The following STARD13 variants were observed in gnomAD, a reference collection of about 807,000 sequenced individuals.
STARD13 encodes StAR related lipid transfer domain containing 13, also known as stAR-related lipid transfer protein 13.
STARD13 carries 62 observed loss-of-function variants against 106.4 expected under a neutral mutation model. The ratio of observed to expected loss-of-function variants is 0.58; its 90% CI spans 0.48 to 0.72. STARD13 has a LOEUF of 0.72. STARD13 is among the 30% of genes least tolerant of loss of function. The pLI is 0.00. For synonymous variants in STARD13, 565 were observed against 553.0 expected (o/e 1.02, Z -0.31); for missense variants, 1,387 against 1,424.0 (o/e 0.97, Z 0.42).
chr13:33,571,540 ACTTCTGAGT>A, the STARD13 span, among the ~76,000 whole-genome samples: 4 of 151,368 alleles, frequency 2.6e-5, no homozygotes, highest in African/African-American at 7.3e-5. Flanking sequence ...CTTGGTCTGT[ACTTCTGAGT>A]CTTCTGAGCC....
intron 1 of STARD13, 32 bp downstream of exon 1, chr13:33,285,438 T>A: frequency 6.3e-7 from 1 of 1,593,326 alleles, no homozygotes; most frequent in Non-Finnish European, 8.6e-7. Flanking sequence ...GAAATCAGAA[T>A]GAGCAACAGC....
At chr13:33,244,805 G>T (rs1889739667) in intron 1 of STARD13, among the ~76,000 whole-genome samples, 1 of 152,198 alleles carries the variant, frequency 6.6e-6, no homozygotes, top group East Asian at 1.9e-4. Context: ...GCACAAGAAA[G>T]GAGAAACCAG....
the STARD13 span, among the ~76,000 whole-genome samples, chr13:33,403,944 C>T: frequency 4.6e-5 from 7 of 152,190 alleles, no homozygotes; most frequent in Admixed American, 4.6e-4. Context: ...TTTTTCTCCT[C>T]TAGATTCTTC....
the STARD13 span, among the ~76,000 whole-genome samples, chr13:33,404,105 G>A: frequency 2.6e-5 from 4 of 152,166 alleles, no homozygotes; most frequent in African/African-American, 4.8e-5. Context: ...TTGGTTTTGC[G>A]TAGCTGAAAT....
chr13:33,350,506 G>C, exon 1 of STARD13: 1 of 1,457,518 alleles, frequency 6.9e-7, no homozygotes, highest in Non-Finnish European at 9.1e-7. Flanking sequence ...AAGGACGGAC[G>C]CGGCACTCCC....
At chr13:33,366,768 G>C in the STARD13 span, among the ~76,000 whole-genome samples, 1 of 152,124 alleles carries the variant, frequency 6.6e-6, no homozygotes, top group Non-Finnish European at 1.5e-5. This position sits in a 1 kb window ranked among gnomAD's most constrained non-coding sequence, Gnocchi z 4.2. Flanking sequence ...CATATTATTG[G>C]ACCTCTGGAT....
chr13:33,674,914 A>G, the STARD13 span, among the ~76,000 whole-genome samples: 2 of 152,218 alleles, frequency 1.3e-5, no homozygotes, highest in Non-Finnish European at 2.9e-5. Context: ...CATACATAGT[A>G]TTTGGATGCA....
Position 33,131,435 on chromosome 13 carries a change from A to AT in STARD13, c.388-1147dup, listed in dbSNP as rs34709429. On this transcript the variant is annotated intron_variant, in intron 4 of 13. Transcript: ENST00000336934. The stretch of plus-strand genomic sequence containing the variant: ...AGTGTAGTCCAAATCGAATCATATG[A>AT]TTTTTTTTTTTCAGCTTAGAAGCCT... Among the ~76,000 whole-genome samples, 1,024 of 143,384 alleles carry AT rather than the reference A, an allele frequency of 7.1e-3. 21 individuals carry two copies. Among genetic ancestry groups the AT allele is most frequent in the African/African-American group, 0.025 (970 of 39,024 alleles). 94.1% of individuals were successfully genotyped at this position (143,384 alleles called of 152,430 possible). A position where few individuals can be genotyped will look rare whatever the true frequency, so the allele number is the denominator to read the frequency against.
Position 33,165,485 on chromosome 13 carries a change from C to A in STARD13, c.242-67G>T, listed in dbSNP as rs1471213863. The A allele has an allele frequency of 9.8e-6, 12 of 1,226,718 alleles. No homozygotes were observed. In the Admixed American group the frequency reaches 2.1e-4, roughly 22 times the overall value. The allele number at this position is 1,226,718 out of a possible 1,614,324, so 76.0% of individuals were successfully genotyped here. A position where few individuals can be genotyped will look rare whatever the true frequency, so the allele number is the denominator to read the frequency against. ...CTGAATGAGCACCAACATATTCAGA[C>A]CTTCAAGGTCTGTAAAAGCCACTGA... is the stretch of plus-strand genomic sequence containing the variant. On this transcript the variant is annotated intron_variant, in intron 2 of 13. Transcript: ENST00000336934.
chr13:33,157,398 T>C (rs1440220110), intron 3 of STARD13, among the ~76,000 whole-genome samples: 1 of 152,210 alleles, frequency 6.6e-6, no homozygotes, highest in Non-Finnish European at 1.5e-5. Flanking sequence ...CCAGGCATGG[T>C]TGCTCACGCC....
exon 2 of STARD13, chr13:33,349,185 G>A (rs1216782605): frequency 2.8e-6 from 2 of 702,260 alleles, no homozygotes; most frequent in Non-Finnish European, 5.2e-6. Flanking sequence ...TCTGCCCCAT[G>A]TGGTGGTCAC....
the STARD13 span, among the ~76,000 whole-genome samples, chr13:33,443,701 T>G: frequency 6.6e-6 from 1 of 151,636 alleles, no homozygotes; most frequent in Non-Finnish European, 1.5e-5. Flanking sequence ...GTGGCCAACA[T>G]GATGAAACCC....
chr13:33,330,460 A>G (rs1386609235), intron 1 of STARD13, among the ~76,000 whole-genome samples: 1 of 152,010 alleles, frequency 6.6e-6, no homozygotes, highest in Non-Finnish European at 1.5e-5. Context: ...TTTGGTATTG[A>G]TTTGTATGAG....
At chr13:33,422,732 G>A in the STARD13 span, among the ~76,000 whole-genome samples, 1 of 152,132 alleles carries the variant, frequency 6.6e-6, no homozygotes, top group Non-Finnish European at 1.5e-5. Flanking sequence ...GCATGGTACT[G>A]GTACCAAAAC....
the STARD13 span, among the ~76,000 whole-genome samples, chr13:33,365,749 T>C: frequency 2.0e-5 from 3 of 152,296 alleles, no homozygotes; most frequent in African/African-American, 7.2e-5. Context: ...AGGTCAGGTG[T>C]TGGACCAGTA....
the STARD13 span, among the ~76,000 whole-genome samples, chr13:33,577,307 T>C: frequency 1.2e-4 from 18 of 152,182 alleles, no homozygotes; most frequent in Non-Finnish European, 2.5e-4. Flanking sequence ...AAGACAGGCT[T>C]TCACTGTTTA....
chr13:33,109,872 C>T lies in STARD13; in HGVS notation c.3047+1G>A. On this transcript the variant is annotated splice_donor_variant, in intron 12 of 13. Transcript: ENST00000336934. LOFTEE classifies it high-confidence loss of function. Reference sequence around the variant, plus strand: ...ATCATAAACCCTAGAGTCAGGCTCACCTGAGAACCACAAAGTCTCTGGAAG... The same window carrying T: ...ATCATAAACCCTAGAGTCAGGCTCATCTGAGAACCACAAAGTCTCTGGAAG... 5 of 1,614,174 alleles carry T rather than the reference C, an allele frequency of 3.1e-6. No homozygotes were observed. The highest frequency in any genetic ancestry group is 4.2e-6 in the Non-Finnish European group (5 of 1,180,004).
chr13:33,242,043 C>G (rs1015850552), intron 1 of STARD13, among the ~76,000 whole-genome samples: 6 of 152,016 alleles, frequency 3.9e-5, no homozygotes, highest in African/African-American at 1.5e-4. Flanking sequence ...GCCGCCCCAT[C>G]TGGGATGTAG....
intron 1 of STARD13, among the ~76,000 whole-genome samples, chr13:33,300,545 A>C (rs1410842459): frequency 6.6e-6 from 1 of 152,190 alleles, no homozygotes; most frequent in Non-Finnish European, 1.5e-5. Flanking sequence ...GGATCAGTCC[A>C]ACCTTGTTCA....
Sources: gnomAD v4.1 joint callset for allele counts (sites outside exome capture counted in the v4.1 genomes callset) on GRCh38, gnomAD v4.1.1 for gene constraint, Gnocchi (gnomAD v3.1) non-coding constraint, MANE v1.5 for transcripts, NCBI Gene and HGNC (gene_info 2026-07-23, HGNC 2026-07-21) for gene names.